The following SLC25A17 variants were observed in gnomAD, a reference collection of about 807,000 sequenced individuals.
SLC25A17 encodes peroxisomal membrane protein PMP34.
A neutral mutation model predicts 38.5 loss-of-function variants in SLC25A17; 26 were observed. That is an observed-to-expected ratio of 0.68 (90% CI 0.50 to 0.94). The LOEUF (loss-of-function observed/expected upper bound fraction) is 0.94, where lower values mean the gene tolerates loss of function less well. Among genes scored for constraint, SLC25A17 ranks in the 40% least tolerant of loss-of-function variants. The probability of loss-of-function intolerance (pLI) is 0.00; values close to 1 mark genes in which losing one functional copy is unlikely to be tolerated. For missense variants in SLC25A17, 333 were observed against 372.7 expected (o/e 0.89, Z 0.88); for synonymous variants, 139 against 136.2 (o/e 1.02, Z -0.14).
rs895545332 is a variant in SLC25A17 at position 40,770,107 on chromosome 22, A to C, written c.*727T>G. 17 of 152,168 alleles carry C rather than the reference A, an allele frequency of 1.1e-4. No individual in the cohort carries two copies. The highest frequency in any genetic ancestry group is 4.1e-4 in the African/African-American group (17 of 41,444). 9.4% of individuals were successfully genotyped at this position (152,168 alleles called of 1,614,324 possible). A position where few individuals can be genotyped will look rare whatever the true frequency, so the allele number is the denominator to read the frequency against. The stretch of plus-strand genomic sequence containing the variant: ...TTTTTTGTGCTGACCATTTATTGGG[A>C]CTTGACTGACCAGGGCTTGTAAGAA... On this transcript the variant is annotated 3_prime_UTR_variant, in exon 9 of 9. Transcript: ENST00000435456.
chr22:40,801,604 A>T (rs2057484954), intron 1 of SLC25A17, among the ~76,000 whole-genome samples: 1 of 152,230 alleles, frequency 6.6e-6, no homozygotes, highest in Non-Finnish European at 1.5e-5. Flanking sequence ...CGACTAAATG[A>T]TATTCAATGT....
At chr22:40,805,179 AC>A (rs1569411520) in intron 1 of SLC25A17, among the ~76,000 whole-genome samples, 1 of 152,170 alleles carries the variant, frequency 6.6e-6, no homozygotes, top group Non-Finnish European at 1.5e-5. Context: ...TATTAAAAAT[AC>A]AAAAATTAGC....
At position 40,794,517 on chromosome 22, in the gene SLC25A17, CCTT is replaced by C. The variant is rs752573693; in HGVS notation, c.176_178del (p.Glu59del). The C allele has an allele frequency of 1.1e-5, 17 of 1,605,066 alleles. No homozygotes were observed. The highest frequency in any genetic ancestry group is 4.5e-5 in the East Asian group (2 of 44,792). Reference sequence around the variant, plus strand: ...GGTGAACTGAGGTAGTACTCACAGTCCTTCTTCTTTAATGATCTCCAGGAGCAC... The same window carrying C: ...GGTGAACTGAGGTAGTACTCACAGTCCTTCTTTAATGATCTCCAGGAGCAC... On this transcript the variant is annotated inframe_deletion, in exon 3 of 9. Coordinates refer to ENST00000435456, the MANE Select transcript of SLC25A17 (RefSeq NM_006358.4).
Position 40,777,339 on chromosome 22 carries a change from G to T in SLC25A17, c.486C>A (p.Ile162=), listed in dbSNP as rs368228929. 2 of 1,613,970 alleles carry T rather than the reference G, an allele frequency of 1.2e-6. No homozygotes were observed. Among genetic ancestry groups the T allele is most frequent in the Non-Finnish European group, 1.7e-6 (2 of 1,180,008 alleles). ...AFHQIIRDEG[I]SALWNGTFPS... ...GAAATGTGCCATTCCATAAAGCCGA[G>T]ATTCCTTCATCGCGAATGATCTGAT... The change falls in exon 6 of 9, where the codon ATC becomes ATA. Residue 162 remains isoleucine, a synonymous_variant. Coordinates refer to ENST00000435456, the MANE Select transcript of SLC25A17 (RefSeq NM_006358.4).
intron 1 of SLC25A17, among the ~76,000 whole-genome samples, chr22:40,803,919 T>C (rs556035098): frequency 6.6e-6 from 1 of 151,912 alleles, no homozygotes; most frequent in African/African-American, 2.4e-5. Flanking sequence ...AGCTGAGCCA[T>C]CTGAGGTGAC....
chr22:40,804,160 G>T (rs1361152479), intron 1 of SLC25A17, among the ~76,000 whole-genome samples: 1 of 152,086 alleles, frequency 6.6e-6, no homozygotes, highest in East Asian at 1.9e-4. Context: ...ACTAGCAAAA[G>T]GAGTCCTTTT....
chr22:40,807,616 GCGTACAC>G (rs2057541496), intron 1 of SLC25A17, among the ~76,000 whole-genome samples: 2 of 152,156 alleles, frequency 1.3e-5, no homozygotes, highest in South Asian at 4.2e-4. Context: ...GGGTGTGGCA[GCGTACAC>G]CTGTAGTCCC....
In SLC25A17 at chr22:40,803,181, A is replaced by G. The variant is rs950467274; in HGVS notation, c.55-4098T>C. Among the ~76,000 whole-genome samples the G allele has an allele frequency of 3.3e-5, 5 of 151,634 alleles. No homozygotes were observed. The East Asian group carries it at 9.7e-4, about 29-fold the overall frequency. On this transcript the variant is annotated intron_variant, in intron 1 of 8. Coordinates refer to ENST00000435456, the MANE Select transcript of SLC25A17 (RefSeq NM_006358.4). ...CCTGTGTTGCCCAAGTTGGCCTTGAACTCCTGGGTTCAGGCGATCCTCCTG... is the reference window on the plus strand; with the variant it reads ...CCTGTGTTGCCCAAGTTGGCCTTGAGCTCCTGGGTTCAGGCGATCCTCCTG...
At chr22:40,792,246 AGG>A (rs138302) in intron 4 of SLC25A17, among the ~76,000 whole-genome samples, 99,284 of 151,794 alleles carry the variant, frequency 0.65, 32,916 homozygotes, top group Admixed American at 0.74. Context: ...GAAAGGGAAA[AGG>A]GGAGTTTAAT....
At chr22:40,772,705 T>C (rs1452360958) in intron 8 of SLC25A17, among the ~76,000 whole-genome samples, 1 of 152,128 alleles carries the variant, frequency 6.6e-6, no homozygotes, top group Admixed American at 6.5e-5. Flanking sequence ...GGTGCCATCA[T>C]AGCTCAGTAC....
At chr22:40,783,857 T>C (rs1307421541) in intron 4 of SLC25A17, among the ~76,000 whole-genome samples, 1 of 152,102 alleles carries the variant, frequency 6.6e-6, no homozygotes, top group East Asian at 1.9e-4. Flanking sequence ...AGGTGCCCGC[T>C]ACCACACCCA....
chr22:40,773,823 T>C, intron 8 of SLC25A17, 114 bp downstream of exon 8: 1 of 764,276 alleles, frequency 1.3e-6, no homozygotes, highest in South Asian at 1.4e-5. Flanking sequence ...AAGGGAAAGG[T>C]TTTGGAGGTT....
chr22:40,786,036 C>A lies in SLC25A17; in HGVS notation c.334+6489G>T, dbSNP rs576902010. Among the ~76,000 whole-genome samples the A allele has an allele frequency of 2.6e-5, 4 of 152,236 alleles. No individual in the cohort carries two copies. The South Asian group carries it at 8.3e-4, about 32-fold the overall frequency. The stretch of plus-strand genomic sequence containing the variant: ...GATCAGTTAGGAGGTTCTGGCTGGG[C>A]ACAGTGGCTCACGCCTGTAATCCCA... On this transcript the variant is annotated intron_variant, in intron 4 of 8. Transcript: ENST00000435456.
chr22:40,815,105 C>T (rs1454075432), intron 1 of SLC25A17, among the ~76,000 whole-genome samples: 1 of 152,056 alleles, frequency 6.6e-6, no homozygotes, highest in Non-Finnish European at 1.5e-5. Flanking sequence ...AGGTGTGAGC[C>T]ACCACACCCG....
chr22:40,777,098 G>C lies in SLC25A17; in HGVS notation c.635C>G (p.Ala212Gly). 6.2e-7 allele frequency: 1 copy of C among 1,614,122 alleles called. No individual in the cohort carries two copies. The highest frequency in any genetic ancestry group is 8.5e-7 in the Non-Finnish European group (1 of 1,180,028). The change falls in exon 7 of 9, where the codon GCC (alanine) becomes GGC (glycine). Residue 212 changes from alanine (A) to glycine (G), a missense_variant. By Grantham distance (60) the Ala-to-Gly change is moderately conservative. Transcript: ENST00000435456. ...SLDVFIIGAV[A>G]KAIATTVTYP... ...GGTCACCGTGGTGGCAATCGCTTTG[G>C]CTACTGCACCAATGATGAACACATC...
Position 40,770,611 on chromosome 22 carries a change from AC to A in SLC25A17, c.*222del. 1 of 364,974 alleles carries A rather than the reference AC, an allele frequency of 2.7e-6. No individual in the cohort carries two copies. The highest frequency in any genetic ancestry group is 2.1e-5 in the African/African-American group (1 of 48,262). 22.6% of individuals were successfully genotyped at this position (364,974 alleles called of 1,614,324 possible). A position where few individuals can be genotyped will look rare whatever the true frequency, so the allele number is the denominator to read the frequency against. ...TTAGGTTTTCAGCAATGTTTTTTTC[AC>A]ATTAGTCCAACTGCCACCCCAAAAT... On this transcript the variant is annotated 3_prime_UTR_variant, in exon 9 of 9. Transcript: ENST00000435456.
chr22:40,778,822 A>G (rs1032182933), intron 5 of SLC25A17, among the ~76,000 whole-genome samples, 187 bp downstream of exon 5: 3 of 152,198 alleles, frequency 2.0e-5, no homozygotes, highest in Admixed American at 6.5e-5. Context: ...TTTACAATCT[A>G]CCCATCTGAC....
At chr22:40,775,812 C>T (rs77889392) in intron 7 of SLC25A17, among the ~76,000 whole-genome samples, 4,672 of 152,242 alleles carry the variant, frequency 0.031, 237 homozygotes, top group African/African-American at 0.11. Context: ...TCCTTGCTGC[C>T]GCCATGTGAA....
rs770418919 is a variant in SLC25A17, at chr22:40,770,928, GTC to G, written c.828_829del (p.Gln276HisfsTer13). 66 of 1,612,274 alleles carry G rather than the reference GTC, an allele frequency of 4.1e-5. No homozygotes were observed. The highest frequency in any genetic ancestry group is 2.5e-5 in the Non-Finnish European group (29 of 1,178,720). On this transcript the variant is annotated frameshift_variant, in exon 9 of 9. Transcript: ENST00000435456. LOFTEE classifies it high-confidence loss of function. ...GAACATGAGAGCAGCAGTGAGGACTGTCTGCAGCAGTTTGGCTTCAAGGCCTT... is the reference window on the plus strand; with the variant it reads ...GAACATGAGAGCAGCAGTGAGGACTGTGCAGCAGTTTGGCTTCAAGGCCTT...
Sources: gnomAD v4.1 joint callset for allele counts (sites outside exome capture counted in the v4.1 genomes callset) on GRCh38, gnomAD v4.1.1 for gene constraint, MANE v1.5 for transcripts, NCBI Gene and HGNC (gene_info 2026-07-23, HGNC 2026-07-21) for gene names.